SLC22A2: variants seen among roughly 807,000 people sequenced by gnomAD.
SLC22A2 encodes organic cation transporter 2.
Under a neutral mutation model 60.5 loss-of-function variants are expected in SLC22A2, and 46 were observed. The observed-to-expected ratio is 0.76, with a 90% CI of 0.60 to 0.97. The LOEUF is 0.97. Among genes scored for constraint, SLC22A2 ranks in the 50% least tolerant of loss-of-function variants. SLC22A2 has a pLI of 0.00. For missense variants in SLC22A2, 701 were observed against 706.6 expected (o/e 0.99, Z 0.09); for synonymous variants, 303 against 267.0 (o/e 1.13, Z -1.31).
intron 5 of SLC22A2, 149 bp from the exon 6 acceptor site, chr6:160,245,694 ATT>A (rs11422120): frequency 0.015 from 2,431 of 163,000 alleles, no homozygotes; most frequent in South Asian, 0.025. Flanking sequence ...GTCCCATTTC[ATT>A]TTTTTTTTTT....
At chr6:160,248,130 C>T (rs1783126070) in intron 4 of SLC22A2, among the ~76,000 whole-genome samples, 1 of 152,224 alleles carries the variant, frequency 6.6e-6, no homozygotes, top group African/African-American at 2.4e-5. Context: ...CTGATGCCCT[C>T]ACCCCCAGTG....
intron 8 of SLC22A2, among the ~76,000 whole-genome samples, chr6:160,241,971 T>G (rs985570338): frequency 6.6e-6 from 1 of 152,054 alleles, no homozygotes; most frequent in Admixed American, 6.5e-5. Context: ...GAGGAGCAAT[T>G]GTTTCTTTTT....
At chr6:160,228,480 A>G (rs9365149) in intron 9 of SLC22A2, among the ~76,000 whole-genome samples, 2 of 152,304 alleles carry the variant, frequency 1.3e-5, no homozygotes, top group East Asian at 3.9e-4. Flanking sequence ...CTTTCCTAAG[A>G]CTGAGGGGAT....
At chr6:160,231,538 C>G (rs944675945) in intron 9 of SLC22A2, among the ~76,000 whole-genome samples, 1 of 151,924 alleles carries the variant, frequency 6.6e-6, no homozygotes, top group African/African-American at 2.4e-5. Context: ...CACTCACCTG[C>G]TACAGCATGG....
At chr6:160,242,687 C>T (rs959244605) in intron 7 of SLC22A2, among the ~76,000 whole-genome samples, 1 of 152,068 alleles carries the variant, frequency 6.6e-6, no homozygotes, top group African/African-American at 2.4e-5. Flanking sequence ...TCCCACATAA[C>T]CTCTGCCCCC....
At chr6:160,255,920 G>A (rs567073159) in intron 2 of SLC22A2, among the ~76,000 whole-genome samples, 70 of 152,282 alleles carry the variant, frequency 4.6e-4, no homozygotes, top group African/African-American at 1.6e-3. Flanking sequence ...ATTCCAAAAT[G>A]CTGGATAAGT....
At chr6:160,258,315 C>G (rs1378375103) in intron 1 of SLC22A2, 29 bp downstream of exon 1, 3 of 1,557,938 alleles carry the variant, frequency 1.9e-6, no homozygotes, top group East Asian at 2.3e-5. Flanking sequence ...ATTTGCTTCT[C>G]CATCTGAGCC....
chr6:160,234,866 G>A (rs1324482776), intron 9 of SLC22A2, among the ~76,000 whole-genome samples: 1 of 152,178 alleles, frequency 6.6e-6, no homozygotes, highest in Non-Finnish European at 1.5e-5. Context: ...CCTGGCTTAG[G>A]GAATGAATCC....
intron 5 of SLC22A2, 23 bp from the exon 6 acceptor site, chr6:160,245,568 C>T (rs193095014): frequency 3.1e-5 from 46 of 1,488,642 alleles, no homozygotes; most frequent in Middle Eastern, 3.4e-4. Context: ...ATAGAAAGGA[C>T]GGCTTTGTAT....
In SLC22A2 at chr6:160,247,222, C is replaced by A. The variant is rs371158879; in HGVS notation, c.919G>T (p.Ala307Ser). Residue 307 changes from alanine (A) to serine (S), a missense_variant, in exon 5 of 11, where the codon GCA becomes TCA. By Grantham distance (99) the Ala-to-Ser change is moderately conservative. Transcript: ENST00000366953. The stretch of plus-strand genomic sequence containing the variant: ...GGTAGAGATTTTCCATTTTTCTTTG[C>A]GATGTGCTTAATGATTCTCATGGCT... ...AEAMRIIKHI[A>S]KKNGKSLPAS... is the part of the protein sequence containing the mutation. The A allele has an allele frequency of 3.1e-6, 5 of 1,613,000 alleles. No individual in the cohort carries two copies. The African/African-American group carries it at 4.0e-5, about 13-fold the overall frequency.
chr6:160,240,023 C>T (rs1432307272), intron 9 of SLC22A2, among the ~76,000 whole-genome samples: 1 of 152,046 alleles, frequency 6.6e-6, no homozygotes, highest in Non-Finnish European at 1.5e-5. Flanking sequence ...GGGAGCTTCC[C>T]CTGATAACGG....
Position 160,256,732 on chromosome 6 carries a change from GAA to G in SLC22A2, c.415-17_415-16del. The G allele has an allele frequency of 6.4e-7, 1 of 1,561,108 alleles. No homozygotes were observed. The highest frequency in any genetic ancestry group is 8.8e-7 in the Non-Finnish European group (1 of 1,131,844). On this transcript the variant is annotated splice_polypyrimidine_tract_variant and intron_variant, in intron 1 of 10. Transcript: ENST00000366953. The stretch of plus-strand genomic sequence containing the variant: ...ACCAGGTTAAACTGCCAGCAGGGGA[GAA>G]GTGTTCCAAGTTGGGAGAGAAAGGA...
intron 2 of SLC22A2, among the ~76,000 whole-genome samples, chr6:160,253,783 C>T (rs958505022): frequency 1.3e-5 from 2 of 152,176 alleles, no homozygotes; most frequent in Non-Finnish European, 2.9e-5. Context: ...AGGTTATTTA[C>T]ATCTACTGTA....
At chr6:160,234,141 C>T (rs529078115) in intron 9 of SLC22A2, among the ~76,000 whole-genome samples, 48 of 152,238 alleles carry the variant, frequency 3.2e-4, no homozygotes, top group African/African-American at 9.9e-4. Flanking sequence ...CCCTGCCTGC[C>T]GAGAACTACC....
At chr6:160,247,154 CCT>C (rs3219195) in intron 5 of SLC22A2, 28 bp downstream of exon 5, 152,127 of 1,263,668 alleles carry the variant, frequency 0.12, 9,663 homozygotes, top group Non-Finnish European at 0.13. Flanking sequence ...TTCTCCATCC[CCT>C]GATTTGATAC....
chr6:160,255,649 A>G (rs1003168641), intron 2 of SLC22A2, among the ~76,000 whole-genome samples: 28 of 152,192 alleles, frequency 1.8e-4, no homozygotes, highest in Admixed American at 6.5e-5. Flanking sequence ...ATGTATCACT[A>G]TCTCACTAGG....
chr6:160,242,618 AT>A (rs1681148049), intron 7 of SLC22A2, among the ~76,000 whole-genome samples: 1 of 69,932 alleles, frequency 1.4e-5, no homozygotes, highest in East Asian at 5.7e-4. Context: ...TTTAAAAAAG[AT>A]ATTTTTTTTA....
chr6:160,241,962 A>G (rs1380957845), intron 8 of SLC22A2, among the ~76,000 whole-genome samples: 1 of 151,096 alleles, frequency 6.6e-6, no homozygotes, highest in Non-Finnish European at 1.5e-5. Context: ...TAATGATGGG[A>G]GGAGCAATTG....
chr6:160,258,234 C>T, intron 1 of SLC22A2, 110 bp downstream of exon 1: 1 of 1,257,472 alleles, frequency 8.0e-7, no homozygotes, highest in South Asian at 1.4e-5. Flanking sequence ...ACATGCAGGC[C>T]AAAGAGATGT....
Sources: allele counts gnomAD v4.1 joint callset (sites outside exome capture counted in the v4.1 genomes callset), GRCh38; gene constraint gnomAD v4.1.1; transcripts MANE v1.5; gene names NCBI Gene and HGNC (gene_info 2026-07-23, HGNC 2026-07-21).